Variants in ULK4 observed in about 807,000 individuals in gnomAD.
ULK4 encodes inactive serine/threonine-protein kinase ULK4.
In ULK4, 133 loss-of-function variants were observed where a neutral mutation model predicts 160.6. The observed-to-expected ratio is 0.83, with a 90% CI of 0.72 to 0.96. ULK4 has a LOEUF of 0.96. Among genes scored for constraint, ULK4 ranks in the 40% least tolerant of loss-of-function variants. The pLI is 0.00. For synonymous variants in ULK4, 534 were observed against 539.8 expected (o/e 0.99, Z 0.15); for missense variants, 1,580 against 1,499.5 (o/e 1.05, Z -0.89).
chr3:41,367,568 G>A (rs1175459825), intron 35 of ULK4, among the ~76,000 whole-genome samples: 3 of 152,164 alleles, frequency 2.0e-5, no homozygotes, highest in African/African-American at 7.2e-5. Context: ...CTGGCCCTGA[G>A]TCTGGGATTC....
rs190456313 is a variant in ULK4 at position 41,331,635 on chromosome 3, T to C, written c.3678+66444A>G. Reference sequence around the variant, plus strand: ...CACATTTTCTTAATTATTTTACAGATTCAAGGTAGAAATAAACTTTTTTTG... The same window carrying C: ...CACATTTTCTTAATTATTTTACAGACTCAAGGTAGAAATAAACTTTTTTTG... On this transcript the variant is annotated intron_variant, in intron 35 of 36. Transcript: ENST00000301831. Among the ~76,000 whole-genome samples the C allele has an allele frequency of 3.3e-5, 5 of 152,218 alleles. 1 individual carries two copies. Among genetic ancestry groups the C allele is most frequent in the Admixed American group, 2.6e-4 (4 of 15,286 alleles).
rs76852831 is a variant in ULK4, at chr3:41,394,050, T to C, written c.3678+4029A>G. 6.7e-3 allele frequency among the ~76,000 whole-genome samples: 1,019 copies of C among 152,248 alleles called. 4 individuals carry two copies. Among genetic ancestry groups the C allele is most frequent in the East Asian group, 0.015 (78 of 5,176 alleles). On this transcript the variant is annotated intron_variant, in intron 35 of 36. Transcript: ENST00000301831. ...TTGTCAAGATTAAAGGAGCTTAATG[T>C]ACCAAAAATTCTAACACAGAGACTA...
chr3:41,459,701 G>C (rs1345575538), intron 33 of ULK4, among the ~76,000 whole-genome samples: 2 of 152,200 alleles, frequency 1.3e-5, no homozygotes, highest in Non-Finnish European at 2.9e-5. Context: ...TCTACTAGAA[G>C]TCATATGGAG....
At chr3:41,702,648 G>A (rs1206315230) in intron 27 of ULK4, among the ~76,000 whole-genome samples, 2 of 151,960 alleles carry the variant, frequency 1.3e-5, no homozygotes, top group Non-Finnish European at 2.9e-5. Context: ...ACTTCACAAT[G>A]ATACAAGGCT....
intron 20 of ULK4, among the ~76,000 whole-genome samples, chr3:41,799,477 T>C (rs1162669014): frequency 6.6e-6 from 1 of 152,192 alleles, no homozygotes; most frequent in Admixed American, 6.5e-5. Context: ...TGAATGGGGA[T>C]GCTAACAGGG....
intron 35 of ULK4, among the ~76,000 whole-genome samples, chr3:41,333,612 T>A (rs531631896): frequency 6.6e-6 from 1 of 152,296 alleles, no homozygotes; most frequent in East Asian, 1.9e-4. Flanking sequence ...TGTGACAAGT[T>A]TCATTTTTCT....
chr3:41,338,718 CAT>C (rs537700316), intron 35 of ULK4, among the ~76,000 whole-genome samples: 1 of 151,602 alleles, frequency 6.6e-6, no homozygotes, highest in South Asian at 2.1e-4. Flanking sequence ...ATAATGTGCA[CAT>C]ATATATGTGT....
At chr3:41,746,737 T>C (rs1205553777) in intron 22 of ULK4, among the ~76,000 whole-genome samples, 1 of 151,542 alleles carries the variant, frequency 6.6e-6, no homozygotes, top group Non-Finnish European at 1.5e-5. Context: ...TATTAAGCCT[T>C]ATTATGGTCA....
intron 35 of ULK4, among the ~76,000 whole-genome samples, chr3:41,322,281 C>T (rs1367176029): frequency 6.6e-6 from 1 of 151,182 alleles, no homozygotes; most frequent in Non-Finnish European, 1.5e-5. Context: ...ATCCACCTGC[C>T]TCAGCCTCCC....
intron 5 of ULK4, among the ~76,000 whole-genome samples, chr3:41,924,013 C>T (rs1232986170): frequency 6.6e-6 from 1 of 152,222 alleles, no homozygotes; most frequent in Admixed American, 6.5e-5. Context: ...CTATGTGACA[C>T]TACTCTGAAG....
At chr3:41,473,423 A>G (rs1217808277) in intron 32 of ULK4, among the ~76,000 whole-genome samples, 2 of 152,142 alleles carry the variant, frequency 1.3e-5, no homozygotes, top group Non-Finnish European at 2.9e-5. Context: ...GCACTTTGGG[A>G]GGCCAAGGCA....
rs35308076 is a variant in ULK4 at position 41,846,806 on chromosome 3, C to CAAA, written c.1657-10838_1657-10836dup. ...GGCGACAGAGCGAGACTCTCTCTCT[C>CAAA]AAAAAAAAAAAAAAAAAATCTTACC... On this transcript the variant is annotated intron_variant, in intron 17 of 36. Transcript: ENST00000301831. 2.7e-3 allele frequency among the ~76,000 whole-genome samples: 272 copies of CAAA among 98,994 alleles called. 3 individuals are homozygous for CAAA. Among genetic ancestry groups the CAAA allele is most frequent in the African/African-American group, 6.3e-3 (212 of 33,578 alleles). 64.9% of individuals were successfully genotyped at this position (98,994 alleles called of 152,430 possible). A position where few individuals can be genotyped will look rare whatever the true frequency, so the allele number is the denominator to read the frequency against.
chr3:41,502,954 T>C (rs1374300172), intron 32 of ULK4, among the ~76,000 whole-genome samples: 2 of 152,144 alleles, frequency 1.3e-5, no homozygotes, highest in African/African-American at 2.4e-5. Flanking sequence ...TGTACAAATG[T>C]CCATTAATTG....
chr3:41,579,212 G>A (rs17278648), intron 31 of ULK4, among the ~76,000 whole-genome samples: 10,823 of 152,230 alleles, frequency 0.071, 578 homozygotes, highest in Admixed American at 0.13. Flanking sequence ...TCAGCTTTAA[G>A]GGTTTATATG....
rs147060467 is a variant in ULK4 at position 41,906,907 on chromosome 3, T to G, written c.1182+938A>C. Among the ~76,000 whole-genome samples, 508 of 152,024 alleles carry G rather than the reference T, an allele frequency of 3.3e-3. 4 individuals carry two copies. Among genetic ancestry groups the G allele is most frequent in the South Asian group, 0.018 (85 of 4,806 alleles). On this transcript the variant is annotated intron_variant, in intron 12 of 36. Coordinates refer to ENST00000301831, the MANE Select transcript of ULK4 (RefSeq NM_017886.4). ...ACTTGGTAGGCTGAGGCAGGAGAAT[T>G]GCTTGAATCCGGTAGGCGGAGGTTA...
Position 41,306,286 on chromosome 3 carries a change from G to A in ULK4, c.3679-56712C>T, listed in dbSNP as rs539209913. On this transcript the variant is annotated intron_variant, in intron 35 of 36. Transcript: ENST00000301831. ...AGGTGAGGGGCGCCTCTGCCCGGCCGCCCCTACTGGGAAGTGAGGAGCCCC... is the reference window on the plus strand; with the variant it reads ...AGGTGAGGGGCGCCTCTGCCCGGCCACCCCTACTGGGAAGTGAGGAGCCCC... Among the ~76,000 whole-genome samples, 188 of 123,366 alleles carry A rather than the reference G, an allele frequency of 1.5e-3. 1 individual carries two copies. The highest frequency in any genetic ancestry group is 2.3e-3 in the Non-Finnish European group (141 of 62,060). 80.9% of individuals were successfully genotyped at this position (123,366 alleles called of 152,430 possible).
chr3:41,517,654 C>G (rs752268060), intron 32 of ULK4, among the ~76,000 whole-genome samples: 57 of 152,188 alleles, frequency 3.7e-4, no homozygotes, highest in Admixed American at 1.0e-3. Context: ...GAAAGAATAT[C>G]TAATGGTGCC....
At chr3:41,595,314 A>G (rs573162618) in intron 31 of ULK4, among the ~76,000 whole-genome samples, 53 of 152,258 alleles carry the variant, frequency 3.5e-4, no homozygotes, top group African/African-American at 1.2e-3. Context: ...GCCGCGGTCA[A>G]CTTCTGGCAG....
intron 32 of ULK4, among the ~76,000 whole-genome samples, chr3:41,558,900 A>G (rs1251701263): frequency 1.3e-5 from 2 of 148,862 alleles, no homozygotes; most frequent in East Asian, 4.0e-4. Context: ...TTACACTTTA[A>G]GTTTTAGGGT....
Sources: gnomAD v4.1 joint callset for allele counts (sites outside exome capture counted in the v4.1 genomes callset) on GRCh38, gnomAD v4.1.1 for gene constraint, MANE v1.5 for transcripts, NCBI Gene and HGNC (gene_info 2026-07-23, HGNC 2026-07-21) for gene names.